Variants in TLN2 observed in about 807,000 individuals in gnomAD.
The protein encoded by TLN2 is talin-2.
TLN2 carries 118 observed loss-of-function variants against 294.7 expected under a neutral mutation model. The ratio of observed to expected loss-of-function variants is 0.40; its 90% CI spans 0.34 to 0.47. The LOEUF is 0.47. Ranked by LOEUF, TLN2 falls within the 20% of genes least tolerant of loss-of-function variation. TLN2 has a pLI of 0.84. For synonymous variants in TLN2, 1,431 were observed against 1,304.5 expected (o/e 1.10, Z -2.09); for missense variants, 3,083 against 3,282.2 (o/e 0.94, Z 1.48).
At chr15:62,805,362 G>C (rs749177885) in intron 50 of TLN2, among the ~76,000 whole-genome samples, 3 of 152,126 alleles carry the variant, frequency 2.0e-5, no homozygotes, top group Non-Finnish European at 1.5e-5. Flanking sequence ...CTCTAGATAC[G>C]TCTCCCTCAC....
chr15:62,492,223 G>A (rs1368991166), intron 1 of TLN2, among the ~76,000 whole-genome samples: 4 of 152,018 alleles, frequency 2.6e-5, no homozygotes, highest in East Asian at 1.9e-4. Context: ...AGGCTGAGGC[G>A]GGTGGATCAT....
intron 57 of TLN2, 82 bp downstream of exon 57, chr15:62,836,155 G>C (rs1596204284): frequency 6.6e-7 from 1 of 1,522,944 alleles, no homozygotes; most frequent in Non-Finnish European, 8.8e-7. Flanking sequence ...TCACTTCCTT[G>C]GCATGACCCA....
intron 3 of TLN2, among the ~76,000 whole-genome samples, chr15:62,634,244 A>G: frequency 6.6e-6 from 1 of 152,218 alleles, no homozygotes; most frequent in East Asian, 1.9e-4. Flanking sequence ...ACAAGATTGT[A>G]GCACAAATTC....
intron 12 of TLN2, 45 bp from the exon 13 acceptor site, chr15:62,692,795 G>T (rs752609865): frequency 6.7e-7 from 1 of 1,493,078 alleles, no homozygotes; most frequent in Admixed American, 1.7e-5. Context: ...TTAAAATGCT[G>T]ATATATCTGA....
intron 9 of TLN2, among the ~76,000 whole-genome samples, chr15:62,666,605 G>A: frequency 6.6e-6 from 1 of 152,238 alleles, no homozygotes; most frequent in East Asian, 1.9e-4. Context: ...TACCCAGTCT[G>A]TGGTATTCTT....
In TLN2 at chr15:62,432,518, T is replaced by C. The variant is rs558923973; in HGVS notation, c.-238+41833T>C. 1.2e-4 allele frequency among the ~76,000 whole-genome samples: 18 copies of C among 152,354 alleles called. No individual in the cohort carries two copies. In the East Asian group the frequency reaches 2.9e-3, roughly 24 times the overall value. ...CTCAACACTGTTGCATTGGGGATTGTTTCTAACATATGAATTTTGGATCGT... is the reference window on the plus strand; with the variant it reads ...CTCAACACTGTTGCATTGGGGATTGCTTCTAACATATGAATTTTGGATCGT... On this transcript the variant is annotated intron_variant, in intron 1 of 58. Transcript: ENST00000636159.
chr15:62,703,139 G>C (rs564729805), intron 19 of TLN2, among the ~76,000 whole-genome samples: 3 of 146,884 alleles, frequency 2.0e-5, no homozygotes, highest in South Asian at 2.2e-4. Flanking sequence ...GTCTCACTCT[G>C]TTGCCCAGGC....
intron 19 of TLN2, among the ~76,000 whole-genome samples, chr15:62,706,627 G>A (rs2059089593): frequency 6.6e-6 from 1 of 152,218 alleles, no homozygotes; most frequent in Non-Finnish European, 1.5e-5. Flanking sequence ...GTGCAAAGTA[G>A]AAATCCAAAA....
At chr15:62,576,416 A>G (rs1361389668) in intron 1 of TLN2, among the ~76,000 whole-genome samples, 3 of 152,174 alleles carry the variant, frequency 2.0e-5, no homozygotes, top group Admixed American at 2.0e-4. Flanking sequence ...GTGGACCCTC[A>G]GGGGTTGCAC....
chr15:62,703,650 CAG>C (rs1555479923), intron 19 of TLN2, among the ~76,000 whole-genome samples: 2 of 149,806 alleles, frequency 1.3e-5, no homozygotes, highest in African/African-American at 2.5e-5. Flanking sequence ...CACACACACA[CAG>C]AGAAAGAGAG....
chr15:62,568,157 C>G (rs957875396), intron 1 of TLN2, among the ~76,000 whole-genome samples: 4 of 151,880 alleles, frequency 2.6e-5, no homozygotes, highest in African/African-American at 9.7e-5. Flanking sequence ...GTGGCTTGGG[C>G]AAGGAACATG....
chr15:62,732,504 G>A (rs2140946030), intron 28 of TLN2, among the ~76,000 whole-genome samples: 1 of 152,308 alleles, frequency 6.6e-6, no homozygotes, highest in South Asian at 2.1e-4. Flanking sequence ...ATCCTAAAGG[G>A]CCTCATAAGC....
intron 1 of TLN2, among the ~76,000 whole-genome samples, chr15:62,555,605 C>G (rs757421010): frequency 2.6e-5 from 4 of 152,152 alleles, no homozygotes; most frequent in Admixed American, 6.5e-5. Context: ...TTCTTTGTCT[C>G]TTTTTCTGGT....
intron 1 of TLN2, among the ~76,000 whole-genome samples, chr15:62,488,068 G>A (rs1211106557): frequency 6.6e-6 from 1 of 151,882 alleles, no homozygotes; most frequent in African/African-American, 2.4e-5. Context: ...AACAAAGCAA[G>A]ACTCTGTCTC....
At chr15:62,826,388 G>A (rs1288270891) in intron 54 of TLN2, among the ~76,000 whole-genome samples, 1 of 152,184 alleles carries the variant, frequency 6.6e-6, no homozygotes, top group African/African-American at 2.4e-5. Flanking sequence ...TGCGGAGGGT[G>A]TGGTCCCTCC....
At chr15:62,695,189 A>G (rs2058239178) in intron 14 of TLN2, among the ~76,000 whole-genome samples, 1 of 152,202 alleles carries the variant, frequency 6.6e-6, no homozygotes, top group Non-Finnish European at 1.5e-5. Flanking sequence ...CTATCCAGAC[A>G]TCCCTTTTAT....
chr15:62,703,656 AAG>A (rs762587788), intron 19 of TLN2, among the ~76,000 whole-genome samples: 4 of 130,682 alleles, frequency 3.1e-5, no homozygotes, highest in South Asian at 5.4e-4. Flanking sequence ...CACACAGAGA[AAG>A]AGAGAGAGAA....
At position 62,537,993 on chromosome 15, in the gene TLN2, G is replaced by A. The variant is rs577894842; in HGVS notation, c.-237-51694G>A. ...TCGCAGCACTTTAGGAGGCTGAGGC[G>A]GGTGGATTGCTTGAGGTCAGGAGTT... On this transcript the variant is annotated intron_variant, in intron 1 of 58. Transcript: ENST00000636159. Among the ~76,000 whole-genome samples the A allele has an allele frequency of 6.6e-5, 10 of 152,242 alleles. No homozygotes were observed. In the East Asian group the frequency reaches 1.9e-3, roughly 29 times the overall value.
chr15:62,727,255 G>A, intron 28 of TLN2, 66 bp downstream of exon 28: 1 of 1,427,976 alleles, frequency 7.0e-7, no homozygotes, highest in South Asian at 1.2e-5. Context: ...GGGGGAGGAG[G>A]AGGAGTTCAT....
Sources: gnomAD v4.1 joint callset for allele counts (sites outside exome capture counted in the v4.1 genomes callset) on GRCh38, gnomAD v4.1.1 for gene constraint, MANE v1.5 for transcripts, NCBI Gene and HGNC (gene_info 2026-07-23, HGNC 2026-07-21) for gene names.